The following AUTS2 variants were observed in gnomAD, a reference collection of about 807,000 sequenced individuals.
The protein encoded by AUTS2 is autism susceptibility gene 2 protein.
A neutral mutation model predicts 112.4 loss-of-function variants in AUTS2; 17 were observed. The observed-to-expected ratio is 0.15, with a 90% CI of 0.10 to 0.23. The LOEUF (loss-of-function observed/expected upper bound fraction) is 0.23. Ranked by LOEUF, AUTS2 falls within the 10% of genes least tolerant of loss-of-function variation. The pLI is 1.00. For missense variants in AUTS2, 1,510 were observed against 1,701.6 expected, an observed-to-expected ratio of 0.89 and a Z score of 1.98; for synonymous variants, 751 against 702.7, an observed-to-expected ratio of 1.07 and a Z score of -1.09.
At chr7:69,648,681 C>A (rs997625497) in intron 1 of AUTS2, among the ~76,000 whole-genome samples, 3 of 152,118 alleles carry the variant, frequency 2.0e-5, no homozygotes, top group Non-Finnish European at 2.9e-5. Flanking sequence ...ATTTAGATCT[C>A]TGACCCAGAG....
intron 2 of AUTS2, among the ~76,000 whole-genome samples, chr7:70,092,394 A>G (rs1466655795): frequency 6.6e-6 from 1 of 152,174 alleles, no homozygotes; most frequent in African/African-American, 2.4e-5. Context: ...GCTGAGCTCT[A>G]TCCTGACCCC....
At chr7:70,543,023 C>A (rs1456064409) in intron 5 of AUTS2, among the ~76,000 whole-genome samples, 3 of 152,152 alleles carry the variant, frequency 2.0e-5, no homozygotes, top group Non-Finnish European at 4.4e-5. Context: ...TTTTCTGACA[C>A]TCTCTAGCTA....
intron 5 of AUTS2, among the ~76,000 whole-genome samples, chr7:70,493,047 A>G (rs138239883): frequency 5.2e-4 from 79 of 152,112 alleles, no homozygotes; most frequent in African/African-American, 1.8e-3. Flanking sequence ...CTTGCCACTG[A>G]TAATTATTTT....
chr7:70,545,323 G>C (rs1396648042), intron 5 of AUTS2, among the ~76,000 whole-genome samples: 1 of 152,230 alleles, frequency 6.6e-6, no homozygotes, highest in Non-Finnish European at 1.5e-5. Flanking sequence ...CGGGCATGCT[G>C]TAAGGACAGA....
intron 4 of AUTS2, among the ~76,000 whole-genome samples, chr7:70,235,117 C>T (rs1313974358): frequency 6.6e-6 from 1 of 152,138 alleles, no homozygotes; most frequent in African/African-American, 2.4e-5. Context: ...AATGTGTTGA[C>T]ATATGAAGCT....
chr7:70,362,683 T>C (rs1792327322), intron 4 of AUTS2, among the ~76,000 whole-genome samples: 1 of 152,098 alleles, frequency 6.6e-6, no homozygotes, highest in African/African-American at 2.4e-5. Flanking sequence ...CTCTCCTCTT[T>C]GATTTTATTT....
intron 4 of AUTS2, among the ~76,000 whole-genome samples, chr7:70,352,166 C>T (rs1178874840): frequency 1.3e-5 from 2 of 152,224 alleles, no homozygotes; most frequent in Non-Finnish European, 2.9e-5. Flanking sequence ...TTAAGGAACT[C>T]GCTCAAAATG....
chr7:70,173,068 TAG>T (rs1808787575), intron 4 of AUTS2, among the ~76,000 whole-genome samples: 1 of 152,156 alleles, frequency 6.6e-6, no homozygotes, highest in Non-Finnish European at 1.5e-5. Flanking sequence ...TTTTAAAATG[TAG>T]AGTCTCTTAC....
At chr7:69,992,853 C>G (rs1398947451) in intron 2 of AUTS2, among the ~76,000 whole-genome samples, 2 of 152,096 alleles carry the variant, frequency 1.3e-5, no homozygotes, top group African/African-American at 4.8e-5. Flanking sequence ...CCACTGCACT[C>G]CAGCCTGGGT....
At chr7:70,758,647 A>G (rs1456820379) in intron 6 of AUTS2, among the ~76,000 whole-genome samples, 1 of 152,204 alleles carries the variant, frequency 6.6e-6, no homozygotes, top group Non-Finnish European at 1.5e-5. Flanking sequence ...AATGAATACA[A>G]CATTTAAATA....
At chr7:70,506,222 A>G (rs1798954999) in intron 5 of AUTS2, among the ~76,000 whole-genome samples, 2 of 152,210 alleles carry the variant, frequency 1.3e-5, no homozygotes, top group Non-Finnish European at 2.9e-5. Context: ...GAGGAGAGAA[A>G]GAGCAGGGCA....
At chr7:70,371,022 A>T (rs1355554055) in intron 4 of AUTS2, among the ~76,000 whole-genome samples, 1 of 152,078 alleles carries the variant, frequency 6.6e-6, no homozygotes, top group Non-Finnish European at 1.5e-5. Context: ...GGATAGGAGG[A>T]TTTCAAGCAG....
At chr7:69,975,245 C>G (rs1226577391) in intron 2 of AUTS2, among the ~76,000 whole-genome samples, 2 of 151,964 alleles carry the variant, frequency 1.3e-5, no homozygotes, top group African/African-American at 4.8e-5. Flanking sequence ...CTTCTTTTGT[C>G]TAGATGTCAT....
chr7:69,871,346 G>A (rs1053161275), intron 1 of AUTS2, among the ~76,000 whole-genome samples: 2 of 152,078 alleles, frequency 1.3e-5, no homozygotes, highest in African/African-American at 2.4e-5. Context: ...CTCTGGCTTC[G>A]TCGTAACCAT....
intron 5 of AUTS2, among the ~76,000 whole-genome samples, chr7:70,628,783 C>T (rs1356910203): frequency 1.3e-5 from 2 of 152,144 alleles, no homozygotes; most frequent in Non-Finnish European, 2.9e-5. Context: ...AAACTGAAGA[C>T]AAGCAGTTGG....
At chr7:70,667,700 G>A (rs1033508050) in intron 5 of AUTS2, among the ~76,000 whole-genome samples, 2 of 152,192 alleles carry the variant, frequency 1.3e-5, no homozygotes, top group Non-Finnish European at 2.9e-5. Context: ...TAACACAGAT[G>A]GCTGAATTTG....
chr7:70,043,351 C>T (rs932683606), intron 2 of AUTS2, among the ~76,000 whole-genome samples: 14 of 152,158 alleles, frequency 9.2e-5, no homozygotes, highest in Non-Finnish European at 2.1e-4. Context: ...TTGAATAATA[C>T]AGAAACGTTG....
At chr7:69,906,559 A>G (rs559442383) in intron 2 of AUTS2, among the ~76,000 whole-genome samples, 1 of 152,308 alleles carries the variant, frequency 6.6e-6, no homozygotes, top group Admixed American at 6.5e-5. Context: ...TGACATCTGA[A>G]TGCTCTTTAG....
At chr7:69,984,216 G>C (rs2129550564) in intron 2 of AUTS2, among the ~76,000 whole-genome samples, 1 of 152,002 alleles carries the variant, frequency 6.6e-6, no homozygotes, top group Non-Finnish European at 1.5e-5. Flanking sequence ...AGGAGATCGA[G>C]ACCACGGTGA....
Sources: allele counts gnomAD v4.1 joint callset (sites outside exome capture counted in the v4.1 genomes callset), GRCh38; gene constraint gnomAD v4.1.1; transcripts MANE v1.5; gene names NCBI Gene and HGNC (gene_info 2026-07-23, HGNC 2026-07-21).